MTHFD2L: variants seen among roughly 807,000 people sequenced by gnomAD.
The protein encoded by MTHFD2L is bifunctional methylenetetrahydrofolate dehydrogenase/cyclohydrolase 2, mitochondrial.
A neutral mutation model predicts 34.9 loss-of-function variants in MTHFD2L; 29 were observed. The ratio of observed to expected loss-of-function variants is 0.83; its 90% CI spans 0.62 to 1.13. The LOEUF (loss-of-function observed/expected upper bound fraction) is 1.13. Ranked by LOEUF, MTHFD2L falls within the 50% of genes most tolerant of loss-of-function variation. MTHFD2L has a pLI of 0.00. For synonymous variants in MTHFD2L, 167 were observed against 155.7 expected, an observed-to-expected ratio of 1.07 and a Z score of -0.54; for missense variants, 481 against 446.5, an observed-to-expected ratio of 1.08 and a Z score of -0.70.
chr4:74,227,562 A>C (rs1237992608), intron 6 of MTHFD2L, among the ~76,000 whole-genome samples: 1 of 152,156 alleles, frequency 6.6e-6, no homozygotes, highest in Non-Finnish European at 1.5e-5. Flanking sequence ...AGCATGCTTG[A>C]TGTATTCCAG....
At chr4:74,211,469 T>G (rs746651667) in intron 5 of MTHFD2L, among the ~76,000 whole-genome samples, 22 of 152,310 alleles carry the variant, frequency 1.4e-4, no homozygotes, top group Non-Finnish European at 2.8e-4. Context: ...TGGTTCTGTT[T>G]ATGTGATGGA....
chr4:74,175,251 A>G (rs1280555671), intron 2 of MTHFD2L, 30 bp from the exon 3 acceptor site: 1 of 1,606,136 alleles, frequency 6.2e-7, no homozygotes, highest in Middle Eastern at 1.7e-4. Flanking sequence ...CAGTTAGTCA[A>G]GTGACCTTCT....
Position 74,208,571 on chromosome 4 carries a change from G to A in MTHFD2L, c.712+7201G>A, listed in dbSNP as rs567297976. Among the ~76,000 whole-genome samples, 23 of 152,196 alleles carry A rather than the reference G, an allele frequency of 1.5e-4. No homozygotes were observed. The East Asian group carries it at 4.3e-3, about 28-fold the overall frequency. On this transcript the variant is annotated intron_variant, in intron 5 of 7. Transcript: ENST00000325278. ...AAGCCGAGTTCTTGTCATACAACCAGGAAAAATTAGGTTTGTGGACACATA... is the reference window on the plus strand; with the variant it reads ...AAGCCGAGTTCTTGTCATACAACCAAGAAAAATTAGGTTTGTGGACACATA...
At chr4:74,215,670 T>C (rs1346498383) in intron 5 of MTHFD2L, among the ~76,000 whole-genome samples, 1 of 151,826 alleles carries the variant, frequency 6.6e-6, no homozygotes, top group Non-Finnish European at 1.5e-5. Flanking sequence ...TTCTTGTTAC[T>C]ATTCTTAACT....
At chr4:74,232,919 G>C (rs764146345) in intron 6 of MTHFD2L, among the ~76,000 whole-genome samples, 8 of 152,048 alleles carry the variant, frequency 5.3e-5, no homozygotes, top group Admixed American at 1.3e-4. Flanking sequence ...CATTTAGATA[G>C]TTCCCTGAGT....
intron 1 of MTHFD2L, among the ~76,000 whole-genome samples, chr4:74,149,978 C>T (rs1363025533): frequency 6.6e-6 from 1 of 152,070 alleles, no homozygotes; most frequent in African/African-American, 2.4e-5. Flanking sequence ...TAGAGACCCT[C>T]CCCTGGCTGT....
chr4:74,128,754 A>T (rs1174788190), intron 1 of MTHFD2L, among the ~76,000 whole-genome samples: 1 of 152,034 alleles, frequency 6.6e-6, no homozygotes, highest in African/African-American at 2.4e-5. Context: ...TATTTATGGG[A>T]AGAAAGTCAG....
At chr4:74,165,608 G>A (rs1048090374) in intron 1 of MTHFD2L, among the ~76,000 whole-genome samples, 4 of 152,154 alleles carry the variant, frequency 2.6e-5, no homozygotes, top group South Asian at 2.1e-4. Flanking sequence ...CACCCGCCTC[G>A]GCCCCTCAAA....
At chr4:74,238,158 TGTAA>T (rs1351326837) in intron 6 of MTHFD2L, among the ~76,000 whole-genome samples, 1 of 152,218 alleles carries the variant, frequency 6.6e-6, no homozygotes. Context: ...TCAGTGCTTA[TGTAA>T]TAATCCATAC....
chr4:74,231,794 G>T (rs1159354627), intron 6 of MTHFD2L, among the ~76,000 whole-genome samples: 1 of 151,984 alleles, frequency 6.6e-6, no homozygotes, highest in Non-Finnish European at 1.5e-5. Flanking sequence ...TTATATTTTT[G>T]ATCTTAACTA....
chr4:74,295,973 G>A (rs1399768442), intron 7 of MTHFD2L, among the ~76,000 whole-genome samples: 2 of 152,174 alleles, frequency 1.3e-5, no homozygotes, highest in African/African-American at 4.8e-5. Flanking sequence ...TTCATGTGTA[G>A]CACATATCAC....
intron 3 of MTHFD2L, among the ~76,000 whole-genome samples, chr4:74,188,256 T>G (rs1178183652): frequency 6.6e-6 from 1 of 152,208 alleles, no homozygotes; most frequent in Non-Finnish European, 1.5e-5. Context: ...GAAATGTATT[T>G]TCTCACAGTC....
At chr4:74,266,814 T>C in intron 6 of MTHFD2L, 1 of 980,724 alleles carries the variant, frequency 1.0e-6, no homozygotes, top group Non-Finnish European at 1.2e-6. Flanking sequence ...TGCTTAAAGG[T>C]TGTAGGAGAA....
chr4:74,176,703 G>A (rs150081561), intron 3 of MTHFD2L, among the ~76,000 whole-genome samples: 67 of 152,130 alleles, frequency 4.4e-4, no homozygotes, highest in Non-Finnish European at 1.8e-4. Context: ...AATTTGAAAT[G>A]TGTTATTGGA....
At chr4:74,246,419 T>C (rs901767353) in intron 6 of MTHFD2L, among the ~76,000 whole-genome samples, 1 of 151,808 alleles carries the variant, frequency 6.6e-6, no homozygotes, top group Non-Finnish European at 1.5e-5. Flanking sequence ...TTTCTCCCAT[T>C]TTGTAGGTTG....
chr4:74,172,129 G>A (rs116049456), intron 1 of MTHFD2L, among the ~76,000 whole-genome samples: 4 of 152,104 alleles, frequency 2.6e-5, no homozygotes, highest in East Asian at 1.9e-4. Flanking sequence ...AATATATACT[G>A]AACAAAAGAG....
chr4:74,233,458 A>C (rs1578558859), intron 6 of MTHFD2L, among the ~76,000 whole-genome samples: 1 of 152,148 alleles, frequency 6.6e-6, no homozygotes, highest in Non-Finnish European at 1.5e-5. Flanking sequence ...ATAAACTGTC[A>C]TGAGAATTAC....
chr4:74,197,319 C>T (rs1329398756), intron 3 of MTHFD2L, among the ~76,000 whole-genome samples: 1 of 152,114 alleles, frequency 6.6e-6, no homozygotes, highest in Admixed American at 6.6e-5. Flanking sequence ...CTTTTAGTAG[C>T]AGTCAGTCAC....
At chr4:74,148,616 C>A (rs1446084777) in intron 1 of MTHFD2L, among the ~76,000 whole-genome samples, 1 of 151,960 alleles carries the variant, frequency 6.6e-6, no homozygotes, top group Non-Finnish European at 1.5e-5. Context: ...TCATCCACCT[C>A]AGCCTCCCAA....
Sources: allele counts gnomAD v4.1 joint callset (sites outside exome capture counted in the v4.1 genomes callset), GRCh38; gene constraint gnomAD v4.1.1; transcripts MANE v1.5; gene names NCBI Gene and HGNC (gene_info 2026-07-23, HGNC 2026-07-21).